STPG1: variants seen among roughly 807,000 people sequenced by gnomAD.
The protein encoded by STPG1 is O(6)-methylguanine-induced apoptosis 2.
In STPG1, 33 loss-of-function variants were observed where a neutral mutation model predicts 40.1. The observed-to-expected ratio is 0.82, with a 90% CI of 0.62 to 1.10. STPG1 has a LOEUF of 1.10. STPG1 is among the 50% of genes least tolerant of loss of function. The pLI is 0.00. For synonymous variants in STPG1, 150 were observed against 155.0 expected, an observed-to-expected ratio of 0.97 and a Z score of 0.24; for missense variants, 396 against 415.1, an observed-to-expected ratio of 0.95 and a Z score of 0.40.
At chr1:24,365,879 G>A (rs1035744517) in intron 7 of STPG1, among the ~76,000 whole-genome samples, 1 of 152,120 alleles carries the variant, frequency 6.6e-6, no homozygotes, top group Non-Finnish European at 1.5e-5. Context: ...CTGACTTTGG[G>A]GCCTACGCTA....
chr1:24,391,847 T>C (rs1642786668), intron 2 of STPG1, 168 bp from the exon 3 acceptor site: 3 of 1,333,754 alleles, frequency 2.2e-6, no homozygotes, highest in Non-Finnish European at 2.9e-6. Flanking sequence ...AATTCCCCAC[T>C]TTCTTTCCCT....
intron 8 of STPG1, 129 bp downstream of exon 8, chr1:24,360,722 C>T (rs1641048706): frequency 1.2e-6 from 1 of 827,764 alleles, no homozygotes; most frequent in Non-Finnish European, 1.8e-6. Context: ...GATAATGCTT[C>T]CAAATCTACC....
intron 2 of STPG1, among the ~76,000 whole-genome samples, chr1:24,398,599 G>C (rs1643098408): frequency 1.3e-5 from 2 of 152,098 alleles, no homozygotes; most frequent in Admixed American, 6.5e-5. Context: ...TGGGGAAATT[G>C]CAAAATAATC....
rs1640766953 is a variant in STPG1 at position 24,357,094 on chromosome 1, T to C, written c.*1449A>G. 7.0e-6 allele frequency: 1 copy of C among 142,974 alleles called. No homozygotes were observed. The highest frequency in any genetic ancestry group is 6.9e-5 in the Admixed American group (1 of 14,506). 8.9% of individuals were successfully genotyped at this position (142,974 alleles called of 1,614,324 possible). A position where few individuals can be genotyped will look rare whatever the true frequency, so the allele number is the denominator to read the frequency against. On this transcript the variant is annotated 3_prime_UTR_variant, in exon 9 of 9. Coordinates refer to ENST00000337248, the MANE Select transcript of STPG1 (RefSeq NM_001199013.2). ...CCATGGTGAACAAAACATCACAGTT[T>C]TAAAGACAGGATTCGTATTACTGAT... is the stretch of plus-strand genomic sequence containing the variant.
At chr1:24,366,528 T>C (rs761342314) in intron 7 of STPG1, among the ~76,000 whole-genome samples, 76 of 152,336 alleles carry the variant, frequency 5.0e-4, no homozygotes, top group Middle Eastern at 3.4e-3. Flanking sequence ...TTTAGAATAG[T>C]CCAAAGCCTA....
At chr1:24,378,717 G>A (rs954550433) in intron 5 of STPG1, among the ~76,000 whole-genome samples, 17 of 152,208 alleles carry the variant, frequency 1.1e-4, no homozygotes, top group Admixed American at 2.0e-4. Context: ...AGGAAAAAAG[G>A]AAATGGTATA....
rs1427512943 is a variant in STPG1, at chr1:24,357,056, C to CG, written c.*1486_*1487insC. Reference sequence around the variant, plus strand: ...ATTTTTAAAATTAAGGCCCCCCCCCCCAAAAAAAAAATCCATGGTGAACAA... The same window carrying CG: ...ATTTTTAAAATTAAGGCCCCCCCCCCGCAAAAAAAAAATCCATGGTGAACAA... On this transcript the variant is annotated 3_prime_UTR_variant, in exon 9 of 9. Transcript: ENST00000337248. The CG allele has an allele frequency of 7.4e-5, 10 of 135,616 alleles. No homozygotes were observed. Among genetic ancestry groups the CG allele is most frequent in the Non-Finnish European group, 1.4e-4 (9 of 65,506 alleles). The allele number at this position is 135,616 out of a possible 1,614,324, so 8.4% of individuals were successfully genotyped here. A position where few individuals can be genotyped will look rare whatever the true frequency, so the allele number is the denominator to read the frequency against.
At chr1:24,392,843 C>T (rs1314166281) in intron 2 of STPG1, among the ~76,000 whole-genome samples, 1 of 120,712 alleles carries the variant, frequency 8.3e-6, no homozygotes, top group Non-Finnish European at 1.8e-5. Flanking sequence ...AGAGGAAATA[C>T]GCGCAGAAAT....
chr1:24,379,394 T>C lies in STPG1; in HGVS notation c.462+259A>G, dbSNP rs941526202. On this transcript the variant is annotated intron_variant, in intron 5 of 8. Coordinates refer to ENST00000337248, the MANE Select transcript of STPG1 (RefSeq NM_001199013.2). ...TCCCAGAAAGGTTACAGGACAAGAG[T>C]AATTAGAATATGTGTTTCTCAGGGC... 25 of 430,540 alleles carry C rather than the reference T, an allele frequency of 5.8e-5. No individual in the cohort carries two copies. The Admixed American group carries it at 8.8e-4, about 15-fold the overall frequency. The allele number at this position is 430,540 out of a possible 1,614,324, so 26.7% of individuals were successfully genotyped here.
chr1:24,401,334 T>C lies in STPG1; in HGVS notation c.55A>G (p.Ser19Gly). The C allele has an allele frequency of 1.2e-6, 2 of 1,614,130 alleles. No individual in the cohort carries two copies. Among genetic ancestry groups the C allele is most frequent in the Non-Finnish European group, 8.5e-7 (1 of 1,179,968 alleles). ...ACACATGTACCTTTCTGTACTTCAC[T>C]GGCACGTCTGGGATGTTTGCCAGTG... Reference protein sequence around the residue: ...ERTGKHPRRASEVQKGFTAAY... With the variant: ...ERTGKHPRRAGEVQKGFTAAY... The change falls in exon 2 of 9, where the codon AGT (serine) becomes GGT (glycine). Residue 19 changes from serine (S) to glycine (G), a missense_variant. By Grantham distance (56) the Ser-to-Gly change is moderately conservative. Coordinates refer to ENST00000337248, the MANE Select transcript of STPG1 (RefSeq NM_001199013.2).
intron 2 of STPG1, among the ~76,000 whole-genome samples, chr1:24,394,542 G>A (rs1570074470): frequency 6.6e-6 from 1 of 152,166 alleles, no homozygotes; most frequent in African/African-American, 2.4e-5. Context: ...TAGAATTAGT[G>A]GAGAAGAACA....
chr1:24,376,686 G>C (rs1642041296), intron 5 of STPG1, among the ~76,000 whole-genome samples: 1 of 152,176 alleles, frequency 6.6e-6, no homozygotes, highest in Admixed American at 6.5e-5. Context: ...AATGGTGCAT[G>C]AAACACTGAC....
chr1:24,401,264 G>C, intron 2 of STPG1, 55 bp downstream of exon 2: 1 of 1,549,958 alleles, frequency 6.5e-7, no homozygotes, highest in Non-Finnish European at 8.9e-7. Context: ...TTGCTCTTAT[G>C]TACTAAAATA....
At chr1:24,360,826 C>T (rs749586874) in intron 8 of STPG1, 25 bp downstream of exon 8, 13 of 1,567,304 alleles carry the variant, frequency 8.3e-6, no homozygotes, top group Admixed American at 1.9e-5. Context: ...TTGGTTTTTA[C>T]AATCATTTAA....
At chr1:24,390,243 C>T (rs1045116953) in intron 3 of STPG1, among the ~76,000 whole-genome samples, 2 of 152,246 alleles carry the variant, frequency 1.3e-5, no homozygotes, top group Non-Finnish European at 2.9e-5. Flanking sequence ...CTGTGAGTTG[C>T]TTCTGTCCCC....
At chr1:24,407,969 T>G (rs1015625380) in intron 1 of STPG1, among the ~76,000 whole-genome samples, 1 of 152,248 alleles carries the variant, frequency 6.6e-6, no homozygotes, top group Non-Finnish European at 1.5e-5. Flanking sequence ...TTTTTAAGTC[T>G]GTTCCTATTG....
intron 3 of STPG1, among the ~76,000 whole-genome samples, chr1:24,387,316 T>C (rs777668164): frequency 2.6e-5 from 4 of 152,166 alleles, no homozygotes; most frequent in Admixed American, 6.5e-5. Context: ...CGTGACTCCA[T>C]GGGAAATGCG....
Position 24,399,563 on chromosome 1 carries a change from T to G in STPG1, c.70+1756A>C, listed in dbSNP as rs1335113374. ...ATTGGGCTATATTAAAATCAAGAGT[T>G]TCTGTGTCTTAGCACATTGTTAAGA... On this transcript the variant is annotated intron_variant, in intron 2 of 8. Coordinates refer to ENST00000337248, the MANE Select transcript of STPG1 (RefSeq NM_001199013.2). This position sits in a 1 kb window ranked among gnomAD's most constrained non-coding sequence, Gnocchi z 4.0. Among the ~76,000 whole-genome samples, 1 of 152,148 alleles carries G rather than the reference T, an allele frequency of 6.6e-6. No individual in the cohort carries two copies. Among genetic ancestry groups the G allele is most frequent in the African/African-American group, 2.4e-5 (1 of 41,432 alleles).
chr1:24,367,825 T>G (rs142848407), intron 7 of STPG1, among the ~76,000 whole-genome samples: 1 of 152,176 alleles, frequency 6.6e-6, no homozygotes, highest in Non-Finnish European at 1.5e-5. Flanking sequence ...GTAATAGCTA[T>G]TTTCCAACAT....
Sources: allele counts gnomAD v4.1 joint callset (sites outside exome capture counted in the v4.1 genomes callset), GRCh38; gene constraint gnomAD v4.1.1; non-coding constraint Gnocchi (gnomAD v3.1); transcripts MANE v1.5; gene names NCBI Gene and HGNC (gene_info 2026-07-23, HGNC 2026-07-21).